Variants in RABGAP1L observed in about 807,000 individuals in gnomAD.
RABGAP1L encodes rab GTPase-activating protein 1-like.
A neutral mutation model predicts 137.7 loss-of-function variants in RABGAP1L; 63 were observed. That is an observed-to-expected ratio of 0.46 (90% CI 0.37 to 0.56). RABGAP1L has a LOEUF of 0.56. RABGAP1L is among the 20% of genes least tolerant of loss of function. The pLI is 0.00. For synonymous variants in RABGAP1L, 431 were observed against 433.7 expected (o/e 0.99, Z 0.08); for missense variants, 1,095 against 1,244.0 (o/e 0.88, Z 1.80).
intron 11 of RABGAP1L, among the ~76,000 whole-genome samples, chr1:174,347,457 A>G (rs893875902): frequency 6.8e-6 from 1 of 147,546 alleles, no homozygotes; most frequent in African/African-American, 2.5e-5. Context: ...TTATCATTAC[A>G]TAGTGACCCC....
At chr1:174,875,151 G>T (rs1652873293) in intron 19 of RABGAP1L, among the ~76,000 whole-genome samples, 1 of 152,060 alleles carries the variant, frequency 6.6e-6, no homozygotes. Flanking sequence ...AATTCTAAAA[G>T]GACTGAATTA....
At chr1:174,506,096 A>T (rs1224680654) in intron 13 of RABGAP1L, among the ~76,000 whole-genome samples, 1 of 152,248 alleles carries the variant, frequency 6.6e-6, no homozygotes, top group Non-Finnish European at 1.5e-5. Flanking sequence ...AGTTGAACTC[A>T]TAGAAACAAA....
At chr1:174,973,972 GTTTTTTGTTTTTTTTT>G (rs1323998119) in intron 21 of RABGAP1L, among the ~76,000 whole-genome samples, 13 of 94,224 alleles carry the variant, frequency 1.4e-4, no homozygotes, top group South Asian at 3.4e-4. Flanking sequence ...CAGTACAATT[GTTTTTTGTTTTTTTTT>G]TTTTTTTTTT....
intron 13 of RABGAP1L, among the ~76,000 whole-genome samples, chr1:174,455,139 C>A (rs764365172): frequency 4.6e-5 from 7 of 152,098 alleles, no homozygotes; most frequent in Non-Finnish European, 1.0e-4. Context: ...CATATCACCA[C>A]CTTCATTATA....
At chr1:174,553,727 G>A (rs374899784) in intron 13 of RABGAP1L, among the ~76,000 whole-genome samples, 14 of 152,168 alleles carry the variant, frequency 9.2e-5, no homozygotes, top group African/African-American at 3.1e-4. Context: ...AGGGTCAGGC[G>A]CAGTGGCTGA....
At chr1:174,899,774 G>A in intron 19 of RABGAP1L, among the ~76,000 whole-genome samples, 1 of 152,194 alleles carries the variant, frequency 6.6e-6, no homozygotes, top group Middle Eastern at 3.4e-3. Flanking sequence ...CATTATAAAG[G>A]TAATATAGAA....
chr1:174,575,898 G>A (rs1668338752), intron 13 of RABGAP1L, among the ~76,000 whole-genome samples: 1 of 152,204 alleles, frequency 6.6e-6, no homozygotes, highest in South Asian at 2.1e-4. Flanking sequence ...ATTAAGTTTA[G>A]TGAGGGCAGG....
At chr1:174,900,155 G>A (rs987465837) in intron 19 of RABGAP1L, among the ~76,000 whole-genome samples, 4 of 152,222 alleles carry the variant, frequency 2.6e-5, no homozygotes, top group Admixed American at 6.5e-5. Context: ...CTTCAAGGTT[G>A]CCAGTAGAAG....
chr1:174,975,777 C>G (rs1670590538), intron 21 of RABGAP1L, among the ~76,000 whole-genome samples: 1 of 152,172 alleles, frequency 6.6e-6, no homozygotes, highest in Non-Finnish European at 1.5e-5. Context: ...AATCTGAATT[C>G]AGATCATGAC....
At chr1:174,354,372 T>C (rs1269062936) in intron 11 of RABGAP1L, among the ~76,000 whole-genome samples, 1 of 152,180 alleles carries the variant, frequency 6.6e-6, no homozygotes, top group African/African-American at 2.4e-5. Flanking sequence ...TCTAATTGAT[T>C]GGCTGCCTTA....
At chr1:174,281,964 G>A (rs993355356) in intron 10 of RABGAP1L, among the ~76,000 whole-genome samples, 3 of 152,118 alleles carry the variant, frequency 2.0e-5, no homozygotes, top group African/African-American at 7.2e-5. Context: ...CTTTCTTCAT[G>A]TAACAATGCC....
intron 19 of RABGAP1L, among the ~76,000 whole-genome samples, chr1:174,902,304 A>G (rs1328385376): frequency 6.6e-6 from 1 of 152,152 alleles, no homozygotes; most frequent in Non-Finnish European, 1.5e-5. Context: ...TGACTGAACC[A>G]TAGAGGTGGT....
chr1:174,807,546 A>C (rs753225444), intron 18 of RABGAP1L, among the ~76,000 whole-genome samples: 1 of 152,218 alleles, frequency 6.6e-6, no homozygotes, highest in Non-Finnish European at 1.5e-5. Context: ...TGCTTATGGC[A>C]TTACAAAGGC....
intron 1 of RABGAP1L, among the ~76,000 whole-genome samples, chr1:174,195,659 T>TTCCTTCCTTCC (rs1181040645): frequency 1.3e-5 from 1 of 79,526 alleles, no homozygotes; most frequent in Non-Finnish European, 2.5e-5. Context: ...CTTCCTTTCC[T>TTCCTTCCTTCC]TTCCTTTCCT....
chr1:174,346,020 T>A (rs1369407686), intron 11 of RABGAP1L, among the ~76,000 whole-genome samples: 6 of 152,192 alleles, frequency 3.9e-5, no homozygotes, highest in Non-Finnish European at 8.8e-5. Flanking sequence ...GTCTTTGTCC[T>A]TCATTCTGTT....
chr1:174,549,810 A>G (rs1666289939), intron 13 of RABGAP1L, among the ~76,000 whole-genome samples: 1 of 152,224 alleles, frequency 6.6e-6, no homozygotes, highest in Non-Finnish European at 1.5e-5. Flanking sequence ...CAAGCTGCAG[A>G]AGACAAGACA....
intron 13 of RABGAP1L, among the ~76,000 whole-genome samples, chr1:174,405,557 GA>G (rs1649161375): frequency 6.6e-6 from 1 of 152,174 alleles, no homozygotes; most frequent in African/African-American, 2.4e-5. Context: ...GATCTCATCA[GA>G]AAATGTATAG....
intron 3 of RABGAP1L, 23 bp from the exon 4 acceptor site, chr1:174,231,122 T>G: frequency 6.5e-7 from 1 of 1,546,230 alleles, no homozygotes; most frequent in South Asian, 1.1e-5. Flanking sequence ...GACTTTTGAG[T>G]GTTTCTTTTT....
At chr1:174,402,349 TAAAGA>T (rs1163583452) in intron 13 of RABGAP1L, among the ~76,000 whole-genome samples, 1 of 152,138 alleles carries the variant, frequency 6.6e-6, no homozygotes, top group Non-Finnish European at 1.5e-5. Context: ...TTAAGAGTAA[TAAAGA>T]AAAGGTTGAA....
Sources: allele counts gnomAD v4.1 joint callset (sites outside exome capture counted in the v4.1 genomes callset), GRCh38; gene constraint gnomAD v4.1.1; transcripts MANE v1.5; gene names NCBI Gene and HGNC (gene_info 2026-07-23, HGNC 2026-07-21).